RARB: variants seen among roughly 807,000 people sequenced by gnomAD.
RARB encodes HBV-activated protein.
Under a neutral mutation model 51.9 loss-of-function variants are expected in RARB, and 17 were observed. The ratio of observed to expected loss-of-function variants is 0.33; its 90% CI spans 0.22 to 0.49. The LOEUF (loss-of-function observed/expected upper bound fraction) is 0.49, where lower values mean the gene tolerates loss of function less well. Ranked by LOEUF, RARB falls within the 20% of genes least tolerant of loss-of-function variation. The pLI is 0.99. For missense variants in RARB, 369 were observed against 550.8 expected (o/e 0.67, Z 3.30); for synonymous variants, 215 against 195.4 (o/e 1.10, Z -0.84).
intron 2 of RARB, among the ~76,000 whole-genome samples, chr3:25,015,198 A>G (rs1012544183): frequency 2.0e-5 from 3 of 152,190 alleles, no homozygotes; most frequent in South Asian, 2.1e-4. Flanking sequence ...CTTCACTTCA[A>G]AAATACTCAT....
chr3:25,123,267 C>T (rs1460781636), intron 3 of RARB, among the ~76,000 whole-genome samples: 1 of 152,162 alleles, frequency 6.6e-6, no homozygotes, highest in Non-Finnish European at 1.5e-5. Context: ...TTCACAGTTT[C>T]ATTTCTATTG....
At chr3:25,534,832 A>T (rs1238733848) in intron 3 of RARB, among the ~76,000 whole-genome samples, 1 of 152,176 alleles carries the variant, frequency 6.6e-6, no homozygotes. Flanking sequence ...AGTGCCCTGA[A>T]CACTGGAAGA....
intron 2 of RARB, among the ~76,000 whole-genome samples, chr3:25,034,313 A>G (rs1011060686): frequency 2.0e-5 from 3 of 152,180 alleles, no homozygotes; most frequent in African/African-American, 4.8e-5. Flanking sequence ...TTGTCACAAG[A>G]AAAAAAGAAT....
At chr3:25,519,218 A>G (rs1266785890) in intron 3 of RARB, among the ~76,000 whole-genome samples, 1 of 152,204 alleles carries the variant, frequency 6.6e-6, no homozygotes, top group African/African-American at 2.4e-5. Context: ...TATGAATAAC[A>G]TTGCCTTGAA....
intron 5 of RARB, among the ~76,000 whole-genome samples, chr3:25,192,267 A>G (rs1701121569): frequency 6.6e-6 from 1 of 152,152 alleles, no homozygotes; most frequent in South Asian, 2.1e-4. Context: ...GAGGCATCTC[A>G]TAAGCTATTC....
At chr3:24,993,725 A>C (rs1268015985) in intron 2 of RARB, among the ~76,000 whole-genome samples, 1 of 151,980 alleles carries the variant, frequency 6.6e-6, no homozygotes, top group African/African-American at 2.4e-5. Flanking sequence ...ATGGTATCAA[A>C]ATTTTTTAGC....
chr3:24,949,832 T>G (rs1695851626), intron 2 of RARB, among the ~76,000 whole-genome samples: 1 of 152,190 alleles, frequency 6.6e-6, no homozygotes, highest in South Asian at 2.1e-4. Flanking sequence ...GAATTTGATT[T>G]GTTCCTTTAC....
At chr3:25,456,682 T>TATATAGAGAGAGAG (rs1491372969) in intron 1 of RARB, among the ~76,000 whole-genome samples, 1 of 88,394 alleles carries the variant, frequency 1.1e-5, no homozygotes. Context: ...TATATATATA[T>TATATAGAGAGAGAG]AGAGAGAGAG....
chr3:25,076,629 T>C (rs1330955015), intron 3 of RARB, among the ~76,000 whole-genome samples: 1 of 152,220 alleles, frequency 6.6e-6, no homozygotes, highest in Non-Finnish European at 1.5e-5. Context: ...CGTTTACATA[T>C]TAAATATTCT....
chr3:24,955,180 G>A (rs1695983329), intron 2 of RARB, among the ~76,000 whole-genome samples: 2 of 152,154 alleles, frequency 1.3e-5, no homozygotes, highest in Admixed American at 1.3e-4. Flanking sequence ...CAGAAGGGGA[G>A]CTGGAAAGGG....
At chr3:24,963,525 A>G (rs1024493889) in intron 2 of RARB, among the ~76,000 whole-genome samples, 1 of 150,852 alleles carries the variant, frequency 6.6e-6, no homozygotes, top group African/African-American at 2.4e-5. Flanking sequence ...CATTATGGCT[A>G]TTATTTGCTT....
chr3:25,443,381 G>A (rs185240881), intron 1 of RARB, among the ~76,000 whole-genome samples: 114 of 151,758 alleles, frequency 7.5e-4, no homozygotes, highest in East Asian at 2.3e-3. Context: ...CTTCCTGTTA[G>A]CCAGGACATT....
chr3:25,588,888 C>T (rs1202810446), intron 5 of RARB, among the ~76,000 whole-genome samples: 1 of 152,096 alleles, frequency 6.6e-6, no homozygotes, highest in East Asian at 1.9e-4. Flanking sequence ...AGTGACAATG[C>T]TTTTTGTGAC....
intron 3 of RARB, among the ~76,000 whole-genome samples, chr3:25,526,947 G>A (rs1181428227): frequency 6.6e-6 from 1 of 152,176 alleles, no homozygotes; most frequent in Non-Finnish European, 1.5e-5. Flanking sequence ...GCATGCAACT[G>A]GAAGCAGGGT....
chr3:25,295,134 C>A (rs1481606498), intron 5 of RARB, among the ~76,000 whole-genome samples: 2 of 152,194 alleles, frequency 1.3e-5, no homozygotes. Context: ...TAGTTAAGAG[C>A]AAGAGCTCTT....
chr3:25,060,816 A>G (rs1452715765), intron 3 of RARB, among the ~76,000 whole-genome samples: 1 of 151,878 alleles, frequency 6.6e-6, no homozygotes, highest in African/African-American at 2.4e-5. Context: ...GAGTACTGAT[A>G]CCCAGATTGC....
At chr3:25,466,280 C>G (rs148291953) in intron 2 of RARB, among the ~76,000 whole-genome samples, 2 of 152,238 alleles carry the variant, frequency 1.3e-5, no homozygotes, top group South Asian at 4.1e-4. Context: ...CTCTGCCTCC[C>G]GGGTTCAAGC....
At chr3:25,322,921 C>G (rs981815665) in intron 5 of RARB, among the ~76,000 whole-genome samples, 10 of 152,168 alleles carry the variant, frequency 6.6e-5, no homozygotes, top group African/African-American at 1.2e-4. Context: ...AAACAAGAAC[C>G]ATTCTATTGC....
chr3:25,115,283 G>T (rs1339584761), intron 3 of RARB, among the ~76,000 whole-genome samples: 2 of 152,144 alleles, frequency 1.3e-5, no homozygotes, highest in Non-Finnish European at 1.5e-5. Flanking sequence ...TATTTAAAAA[G>T]CATCGTGTTA....
Sources: allele counts gnomAD v4.1 joint callset (sites outside exome capture counted in the v4.1 genomes callset), GRCh38; gene constraint gnomAD v4.1.1; transcripts MANE v1.5; gene names NCBI Gene and HGNC (gene_info 2026-07-23, HGNC 2026-07-21).